The following LRRC7 variants were observed in gnomAD, a reference collection of about 807,000 sequenced individuals.
LRRC7 encodes leucine rich repeat containing 7.
In LRRC7, 23 loss-of-function variants were observed where a neutral mutation model predicts 175.7. The observed-to-expected ratio is 0.13, with a 90% CI of 0.09 to 0.19. The LOEUF (loss-of-function observed/expected upper bound fraction) is 0.19. Among genes scored for constraint, LRRC7 ranks in the 10% least tolerant of loss-of-function variants. LRRC7 has a pLI of 1.00. For missense variants in LRRC7, 1,354 were observed against 1,904.7 expected (o/e 0.71, Z 5.38); for synonymous variants, 685 against 680.9 (o/e 1.01, Z -0.09).
chr1:69,667,122 C>T (rs1658381476), intron 1 of LRRC7, among the ~76,000 whole-genome samples: 1 of 151,994 alleles, frequency 6.6e-6, no homozygotes. Context: ...TCCAAAATTC[C>T]CCTTTTTATT....
At chr1:69,990,398 G>A (rs1654325970) in intron 10 of LRRC7, among the ~76,000 whole-genome samples, 1 of 151,930 alleles carries the variant, frequency 6.6e-6, no homozygotes, top group Non-Finnish European at 1.5e-5. Flanking sequence ...ATATGATATA[G>A]AAATGCAATA....
chr1:69,834,574 A>T (rs1198478680), intron 5 of LRRC7, among the ~76,000 whole-genome samples: 1 of 152,140 alleles, frequency 6.6e-6, no homozygotes, highest in African/African-American at 2.4e-5. Flanking sequence ...GTAGCATGGA[A>T]GTGGATAAAT....
chr1:69,968,018 A>G (rs1266068176), intron 8 of LRRC7, among the ~76,000 whole-genome samples: 1 of 152,188 alleles, frequency 6.6e-6, no homozygotes. Context: ...GAGTCACCAG[A>G]GAAAGGTGAA....
At chr1:69,581,036 A>G (rs976805012) in intron 1 of LRRC7, among the ~76,000 whole-genome samples, 1 of 152,192 alleles carries the variant, frequency 6.6e-6, no homozygotes, top group Non-Finnish European at 1.5e-5. Context: ...TGTGATTGGC[A>G]GGAGGTCAAT....
chr1:69,838,334 T>C (rs780155492), intron 7 of LRRC7, 51 bp downstream of exon 7: 1 of 1,360,728 alleles, frequency 7.3e-7, no homozygotes, highest in South Asian at 1.2e-5. Flanking sequence ...TTTTCACTAG[T>C]AAGAGAAATA....
intron 5 of LRRC7, among the ~76,000 whole-genome samples, chr1:69,830,057 C>T (rs1402373957): frequency 6.6e-6 from 1 of 151,678 alleles, no homozygotes; most frequent in Non-Finnish European, 1.5e-5. Flanking sequence ...TTTACAGAAA[C>T]CTCATTATGT....
At chr1:70,058,924 A>T (rs559320587) in intron 23 of LRRC7, among the ~76,000 whole-genome samples, 3 of 152,160 alleles carry the variant, frequency 2.0e-5, no homozygotes, top group Non-Finnish European at 4.4e-5. Flanking sequence ...AAGTATTAGG[A>T]GTCTTAAACA....
At chr1:69,897,822 A>C (rs2101659076) in intron 7 of LRRC7, among the ~76,000 whole-genome samples, 1 of 152,344 alleles carries the variant, frequency 6.6e-6, no homozygotes, top group South Asian at 2.1e-4. Flanking sequence ...CCATTTTTGA[A>C]GAGTCTTTGA....
intron 3 of LRRC7, among the ~76,000 whole-genome samples, chr1:69,782,126 G>C (rs1211603285): frequency 3.3e-5 from 5 of 152,120 alleles, no homozygotes; most frequent in Non-Finnish European, 7.3e-5. Context: ...GTTGTAAGTA[G>C]AGACAATATA....
At chr1:70,028,899 G>A (rs1332395468) in intron 18 of LRRC7, among the ~76,000 whole-genome samples, 1 of 152,110 alleles carries the variant, frequency 6.6e-6, no homozygotes, top group Non-Finnish European at 1.5e-5. Flanking sequence ...CTATATTTTA[G>A]AATGAGTTAG....
chr1:69,804,397 T>C (rs1175798831), intron 4 of LRRC7, among the ~76,000 whole-genome samples: 1 of 151,468 alleles, frequency 6.6e-6, no homozygotes, highest in African/African-American at 2.4e-5. Context: ...GAGTACCCAA[T>C]ACTTGAAATA....
intron 1 of LRRC7, among the ~76,000 whole-genome samples, chr1:69,631,862 T>G (rs1652559646): frequency 6.6e-6 from 1 of 152,124 alleles, no homozygotes; most frequent in Non-Finnish European, 1.5e-5. Flanking sequence ...TGTTTTCAAC[T>G]CTCTTGCCAG....
intron 1 of LRRC7, among the ~76,000 whole-genome samples, chr1:69,650,421 T>G (rs1655633690): frequency 2.0e-5 from 3 of 151,044 alleles, no homozygotes; most frequent in Admixed American, 2.0e-4. Flanking sequence ...GTGCCTGCAG[T>G]CCCAGCTACT....
In LRRC7 at chr1:70,074,445, G is replaced by A. The variant is rs1662626170; in HGVS notation, c.4231-1632G>A. On this transcript the variant is annotated intron_variant, in intron 23 of 26. Coordinates refer to ENST00000651989, the MANE Select transcript of LRRC7 (RefSeq NM_001370785.2). The stretch of plus-strand genomic sequence containing the variant: ...TCTTTCATTAAGATTTCTGAGAAAG[G>A]AATAGATACAATAGAGAAATACAGA... Among the ~76,000 whole-genome samples the A allele has an allele frequency of 1.3e-5, 2 of 152,152 alleles. 1 individual carries two copies. The highest frequency in any genetic ancestry group is 4.1e-4 in the South Asian group (2 of 4,830).
At position 69,900,055 on chromosome 1, in the gene LRRC7, A is replaced by G. The variant is rs147315980; in HGVS notation, c.648-31452A>G. ...ATATCCTTTTCTCATATAATAAAATATTATTATTTTGTCTTTTTCCAACTA... is the reference window on the plus strand; with the variant it reads ...ATATCCTTTTCTCATATAATAAAATGTTATTATTTTGTCTTTTTCCAACTA... On this transcript the variant is annotated intron_variant, in intron 7 of 26. Transcript: ENST00000651989. Among the ~76,000 whole-genome samples the G allele has an allele frequency of 1.9e-3, 292 of 150,920 alleles. 3 individuals are homozygous for G. The highest frequency in any genetic ancestry group is 6.9e-3 in the African/African-American group (279 of 40,312).
chr1:70,009,749 G>A (rs766680917), intron 11 of LRRC7, among the ~76,000 whole-genome samples: 10 of 152,176 alleles, frequency 6.6e-5, no homozygotes, highest in Non-Finnish European at 1.5e-4. Context: ...CCTAAGAGCT[G>A]TTACTCAAAA....
chr1:69,915,682 T>C (rs1646664983), intron 7 of LRRC7, among the ~76,000 whole-genome samples: 1 of 152,020 alleles, frequency 6.6e-6, no homozygotes, highest in Non-Finnish European at 1.5e-5. Flanking sequence ...TTTTTAAAAA[T>C]CATGCAACAC....
At chr1:70,106,339 T>C (rs1665143309) in intron 25 of LRRC7, among the ~76,000 whole-genome samples, 1 of 152,168 alleles carries the variant, frequency 6.6e-6, no homozygotes, top group South Asian at 2.1e-4. Flanking sequence ...TGCTCTCTGT[T>C]TCTGTGCATT....
At chr1:69,579,576 G>A (rs892968155) in intron 1 of LRRC7, among the ~76,000 whole-genome samples, 2 of 152,086 alleles carry the variant, frequency 1.3e-5, no homozygotes, top group Admixed American at 1.3e-4. Context: ...CTAGCTCACA[G>A]CCTGGTGCAG....
Sources: gnomAD v4.1 joint callset for allele counts (sites outside exome capture counted in the v4.1 genomes callset) on GRCh38, gnomAD v4.1.1 for gene constraint, MANE v1.5 for transcripts, NCBI Gene and HGNC (gene_info 2026-07-23, HGNC 2026-07-21) for gene names.